SUFU: variants seen among roughly 807,000 people sequenced by gnomAD.
SUFU encodes the protein suppressor of fused homolog.
In SUFU, 7 loss-of-function variants were observed where a neutral mutation model predicts 58.9. The ratio of observed to expected loss-of-function variants is 0.12; its 90% confidence interval spans 0.07 to 0.22. SUFU has a LOEUF of 0.22. Ranked by LOEUF, SUFU falls within the 10% of genes least tolerant of loss-of-function variation. The pLI, the probability that SUFU is intolerant of heterozygous loss-of-function variation, is 1.00. For synonymous variants in SUFU, 232 were observed against 254.8 expected (o/e 0.91, Z 0.85); for missense variants, 451 against 641.3 (o/e 0.70, Z 3.20).
intron 9 of SUFU, among the ~76,000 whole-genome samples, chr10:102,616,358 A>G (rs2063686783): frequency 6.6e-6 from 1 of 152,246 alleles, no homozygotes; most frequent in Non-Finnish European, 1.5e-5. Flanking sequence ...GGGAAGAAGA[A>G]CTTGCACACT....
At chr10:102,528,666 G>A (rs528206800) in intron 2 of SUFU, among the ~76,000 whole-genome samples, 1 of 152,222 alleles carries the variant, frequency 6.6e-6, no homozygotes, top group Non-Finnish European at 1.5e-5. Flanking sequence ...AGTGTTGGGA[G>A]CCGGAAGAGT....
intron 3 of SUFU, among the ~76,000 whole-genome samples, chr10:102,559,789 G>T (rs1177351388): frequency 6.6e-6 from 1 of 152,178 alleles, no homozygotes; most frequent in Non-Finnish European, 1.5e-5. Flanking sequence ...GAGGCTATCT[G>T]CTCTCAGTTC....
chr10:102,609,674 G>A (rs1370277316), intron 8 of SUFU, among the ~76,000 whole-genome samples: 1 of 152,156 alleles, frequency 6.6e-6, no homozygotes, highest in African/African-American at 2.4e-5. Context: ...GACCAGGAAG[G>A]GTCCCACAGG....
chr10:102,558,816 C>T (rs2063006806), intron 3 of SUFU, among the ~76,000 whole-genome samples: 2 of 152,226 alleles, frequency 1.3e-5, no homozygotes, highest in South Asian at 4.1e-4. Context: ...ACTTGGAAGT[C>T]AGATTATTAG....
In SUFU at chr10:102,572,248, G is replaced by T. The variant is rs1346835646; in HGVS notation, c.455-20334G>T. 1.3e-3 allele frequency among the ~76,000 whole-genome samples: 125 copies of T among 99,682 alleles called. 2 individuals carry two copies. The highest frequency in any genetic ancestry group is 4.1e-3 in the African/African-American group (108 of 26,110). 65.4% of individuals were successfully genotyped at this position (99,682 alleles called of 152,430 possible). Reference sequence around the variant, plus strand: ...GCCTGGATAATTTTTTTTTTTTTTTGTAATTTTAGTAGAGGACGGGTTTCA... The same window carrying T: ...GCCTGGATAATTTTTTTTTTTTTTTTTAATTTTAGTAGAGGACGGGTTTCA... On this transcript the variant is annotated intron_variant, in intron 3 of 11. Transcript: ENST00000369902.
intron 10 of SUFU, among the ~76,000 whole-genome samples, chr10:102,621,468 G>A (rs1270722784): frequency 6.6e-6 from 1 of 152,178 alleles, no homozygotes; most frequent in East Asian, 1.9e-4. Flanking sequence ...AACAGGAAAT[G>A]AGCGAGACCT....
chr10:102,526,862 T>C (rs2135683081), intron 2 of SUFU, among the ~76,000 whole-genome samples: 2 of 152,022 alleles, frequency 1.3e-5, no homozygotes, highest in East Asian at 3.9e-4. Context: ...GACCTCGAAG[T>C]GTTTAAGGAA....
At chr10:102,608,022 C>T (rs1264516333) in intron 8 of SUFU, among the ~76,000 whole-genome samples, 5 of 151,236 alleles carry the variant, frequency 3.3e-5, no homozygotes, top group Non-Finnish European at 5.9e-5. Context: ...GTCAGGAGTT[C>T]AAGACCAGCC....
chr10:102,610,131 C>T (rs2063606976), intron 8 of SUFU, among the ~76,000 whole-genome samples: 1 of 152,094 alleles, frequency 6.6e-6, no homozygotes, highest in Admixed American at 6.6e-5. Flanking sequence ...AATCCCAGCA[C>T]TTTGGGAGGC....
chr10:102,536,516 A>C (rs920396166), intron 2 of SUFU, among the ~76,000 whole-genome samples: 1 of 150,896 alleles, frequency 6.6e-6, no homozygotes, highest in Admixed American at 6.6e-5. Context: ...GGCGCCTGCC[A>C]CTACACCTGG....
chr10:102,602,999 G>A (rs968853813), intron 8 of SUFU, among the ~76,000 whole-genome samples: 1 of 152,186 alleles, frequency 6.6e-6, no homozygotes, highest in Non-Finnish European at 1.5e-5. Flanking sequence ...CTGGCTTAAA[G>A]ACTGTGCCTG....
intron 2 of SUFU, among the ~76,000 whole-genome samples, chr10:102,518,454 A>G (rs2062498924): frequency 6.6e-6 from 1 of 152,176 alleles, no homozygotes; most frequent in Admixed American, 6.5e-5. Context: ...TTAACCAGAA[A>G]GTGCTTTGTG....
At chr10:102,524,057 C>T (rs934951708) in intron 2 of SUFU, among the ~76,000 whole-genome samples, 8 of 152,170 alleles carry the variant, frequency 5.3e-5, no homozygotes, top group Non-Finnish European at 1.0e-4. Context: ...TAGACCCTTT[C>T]GCAAATAACT....
chr10:102,568,893 A>AT (rs1564685444), intron 3 of SUFU, among the ~76,000 whole-genome samples: 7 of 33,442 alleles, frequency 2.1e-4, no homozygotes, highest in East Asian at 6.0e-4. Context: ...AAAAAAAAAA[A>AT]AAAAATATAT....
intron 3 of SUFU, among the ~76,000 whole-genome samples, chr10:102,560,197 A>G (rs186922531): frequency 3.1e-4 from 47 of 152,362 alleles, no homozygotes; most frequent in African/African-American, 1.1e-3. Context: ...AAAGTCCTTC[A>G]TAATTCATTC....
At chr10:102,609,642 A>G (rs2063602086) in intron 8 of SUFU, among the ~76,000 whole-genome samples, 1 of 152,248 alleles carries the variant, frequency 6.6e-6, no homozygotes, top group Non-Finnish European at 1.5e-5. Context: ...TTATGGTTCC[A>G]TATTAAAGCA....
At chr10:102,600,848 G>T (rs1194468490) in intron 8 of SUFU, among the ~76,000 whole-genome samples, 1 of 152,196 alleles carries the variant, frequency 6.6e-6, no homozygotes, top group African/African-American at 2.4e-5. Context: ...CGCCACCTCA[G>T]AGCAGCTTTT....
At chr10:102,579,126 C>T (rs1483384654) in intron 3 of SUFU, among the ~76,000 whole-genome samples, 1 of 152,218 alleles carries the variant, frequency 6.6e-6, no homozygotes, top group African/African-American at 2.4e-5. Context: ...GTGTACTTTA[C>T]AGGTGGGCAT....
chr10:102,569,245 C>T (rs565010977), intron 3 of SUFU, among the ~76,000 whole-genome samples: 1 of 152,096 alleles, frequency 6.6e-6, no homozygotes, highest in South Asian at 2.1e-4. Flanking sequence ...TTCCACTAGG[C>T]AGGGTGGCCC....
Sources: allele counts gnomAD v4.1 joint callset (sites outside exome capture counted in the v4.1 genomes callset), GRCh38; gene constraint gnomAD v4.1.1; transcripts MANE v1.5; gene names NCBI Gene and HGNC (gene_info 2026-07-23, HGNC 2026-07-21).